Variants in P2RY8 observed in about 807,000 individuals in gnomAD.
P2RY8 encodes S-geranylgeranyl-glutathione receptor P2RY8.
In P2RY8, 6 loss-of-function variants were observed where a neutral mutation model predicts 10.0. The ratio of observed to expected loss-of-function variants is 0.60; its 90% confidence interval spans 0.33 to 1.19. P2RY8 has a LOEUF of 1.19. Among genes scored for constraint, P2RY8 ranks in the 50% most tolerant of loss-of-function variants. The pLI, the probability that P2RY8 is intolerant of heterozygous loss-of-function variation, is 0.04. For missense variants in P2RY8, 456 were observed against 542.0 expected (o/e 0.84, Z 1.58); for synonymous variants, 276 against 252.5 (o/e 1.09, Z -0.88).
At chrX:1,517,680 G>A (rs1425794463) in intron 1 of P2RY8, among the ~76,000 whole-genome samples, 2 of 152,152 alleles carry the variant, frequency 1.3e-5, no homozygotes, top group African/African-American at 4.8e-5. Context: ...GCCAGGTAAT[G>A]TTAACAGGAA....
At chrX:1,474,725 G>A (rs1299075336) in intron 1 of P2RY8, among the ~76,000 whole-genome samples, 1 of 144,846 alleles carries the variant, frequency 6.9e-6, no homozygotes, top group East Asian at 2.1e-4. Context: ...ATGAATGGAT[G>A]AGGATGGGTA....
chrX:1,527,924 A>C (rs2092449764), intron 1 of P2RY8, among the ~76,000 whole-genome samples: 1 of 152,198 alleles, frequency 6.6e-6, no homozygotes, highest in African/African-American at 2.4e-5. Flanking sequence ...CTACAAAGTC[A>C]CAGCCCCTAC....
intron 1 of P2RY8, among the ~76,000 whole-genome samples, chrX:1,507,863 G>A (rs776095514): frequency 5.9e-5 from 9 of 152,234 alleles, no homozygotes; most frequent in East Asian, 1.9e-4. Context: ...TCAGACCCAC[G>A]GCTGATAACA....
chrX:1,502,823 C>A (rs5948921), intron 1 of P2RY8, among the ~76,000 whole-genome samples: 114,608 of 138,368 alleles, frequency 0.83, 46,383 homozygotes, highest in Non-Finnish European at 0.89. Context: ...GGAGACAGAG[C>A]CTGGAATGAC....
intron 1 of P2RY8, among the ~76,000 whole-genome samples, chrX:1,474,556 GTGGA>G (rs768305692): frequency 0.42 from 35,793 of 85,174 alleles, 8,439 homozygotes; most frequent in South Asian, 0.48. Flanking sequence ...GTATGGGTGT[GTGGA>G]TGGATGGATG....
In P2RY8 at chrX:1,514,089, C is replaced by T. The variant is rs138222664; in HGVS notation, c.-25+22832G>A. The stretch of plus-strand genomic sequence containing the variant: ...ACACATAGCGTTAACAACTTGTGCC[C>T]GTTTTCCTTTAATTGTCCCACTTTT... On this transcript the variant is annotated intron_variant, in intron 1 of 1. Transcript: ENST00000381297. Among the ~76,000 whole-genome samples the T allele has an allele frequency of 9.4e-3, 1,436 of 152,236 alleles. 10 individuals are homozygous for T. The highest frequency in any genetic ancestry group is 0.016 in the Non-Finnish European group (1,054 of 67,998).
chrX:1,536,617 G>C (rs1232144059), intron 1 of P2RY8, among the ~76,000 whole-genome samples: 6 of 152,082 alleles, frequency 3.9e-5, no homozygotes, highest in African/African-American at 1.4e-4. Flanking sequence ...GGATGGTCTC[G>C]AACTCCTGAC....
intron 1 of P2RY8, among the ~76,000 whole-genome samples, chrX:1,484,618 C>T (rs1446689717): frequency 6.7e-6 from 1 of 148,950 alleles, no homozygotes; most frequent in East Asian, 2.0e-4. Flanking sequence ...ATTCCAGCTA[C>T]TCGGGAGGCT....
chrX:1,477,555 T>G (rs1430517024), intron 1 of P2RY8, among the ~76,000 whole-genome samples: 2 of 143,990 alleles, frequency 1.4e-5, no homozygotes, highest in Non-Finnish European at 3.1e-5. Context: ...CATCAATCTA[T>G]CAATTATTTA....
intron 1 of P2RY8, among the ~76,000 whole-genome samples, chrX:1,525,675 G>A (rs769002553): frequency 6.6e-6 from 1 of 151,436 alleles, no homozygotes; most frequent in Non-Finnish European, 1.5e-5. Context: ...ATTTATCCAT[G>A]TATGTATTCA....
At position 1,465,498 on chromosome X, in the gene P2RY8, C is replaced by T; in HGVS notation, c.1061G>A (p.Arg354Lys). The T allele has an allele frequency of 6.2e-7, 1 of 1,608,258 alleles. No homozygotes were observed. Among genetic ancestry groups the T allele is most frequent in the South Asian group, 1.1e-5 (1 of 90,860 alleles). Residue 354 changes from arginine to lysine, a missense_variant, in exon 2 of 2, where the codon AGG becomes AAG. Arg to Lys is a conservative substitution (Grantham distance 26, BLOSUM62 2). Coordinates refer to ENST00000381297, the MANE Select transcript of P2RY8 (RefSeq NM_178129.5). ...CGGGACTCAGAACACACTCTCCTGCCTCTGGAGGCCGGGCCTGGTGGCTCC... is the reference window on the plus strand; with the variant it reads ...CGGGACTCAGAACACACTCTCCTGCTTCTGGAGGCCGGGCCTGGTGGCTCC... Reference protein sequence around the residue: ...MEGATRPGLQRQESVF With the variant: ...MEGATRPGLQKQESVF
intron 1 of P2RY8, among the ~76,000 whole-genome samples, chrX:1,518,832 A>C (rs1345776160): frequency 6.6e-6 from 1 of 151,480 alleles, no homozygotes; most frequent in Non-Finnish European, 1.5e-5. Flanking sequence ...ATCCTGCCTA[A>C]CTCCCAAAGC....
intron 1 of P2RY8, among the ~76,000 whole-genome samples, chrX:1,477,894 TGTC>T (rs1439751967): frequency 6.6e-6 from 1 of 152,046 alleles, no homozygotes; most frequent in Non-Finnish European, 1.5e-5. Flanking sequence ...AAGAAGCTGG[TGTC>T]GTGGAAAGGG....
intron 1 of P2RY8, among the ~76,000 whole-genome samples, chrX:1,520,816 T>A (rs2092384873): frequency 1.3e-5 from 2 of 151,164 alleles, no homozygotes; most frequent in South Asian, 4.2e-4. Flanking sequence ...TTTCTCTGAT[T>A]TCTAATATTG....
intron 1 of P2RY8, among the ~76,000 whole-genome samples, chrX:1,516,338 A>G (rs1176047689): frequency 2.6e-5 from 4 of 151,988 alleles, no homozygotes; most frequent in East Asian, 1.9e-4. Context: ...CCCTGTGGGG[A>G]CACAGGGAGA....
At chrX:1,485,864 TTATA>T (rs1261186808) in intron 1 of P2RY8, among the ~76,000 whole-genome samples, 1 of 151,694 alleles carries the variant, frequency 6.6e-6, no homozygotes, top group African/African-American at 2.4e-5. Context: ...GTATATATAA[TTATA>T]TGTATAATAC....
intron 1 of P2RY8, among the ~76,000 whole-genome samples, chrX:1,516,083 C>T (rs760752178): frequency 6.6e-6 from 1 of 151,152 alleles, no homozygotes; most frequent in East Asian, 2.0e-4. Flanking sequence ...TGTAATCCCA[C>T]CTACTTGGGA....
At chrX:1,513,032 C>T (rs2092311033) in intron 1 of P2RY8, among the ~76,000 whole-genome samples, 1 of 150,502 alleles carries the variant, frequency 6.6e-6, no homozygotes, top group African/African-American at 2.5e-5. Context: ...CCCCCCCACC[C>T]CCCAACAGGC....
intron 1 of P2RY8, among the ~76,000 whole-genome samples, chrX:1,525,942 A>G (rs2092437060): frequency 6.6e-6 from 1 of 151,874 alleles, no homozygotes; most frequent in African/African-American, 2.4e-5. Flanking sequence ...TCAGTCATCC[A>G]TCCACTTATC....
Sources: gnomAD v4.1 joint callset for allele counts (sites outside exome capture counted in the v4.1 genomes callset) on GRCh38, gnomAD v4.1.1 for gene constraint, MANE v1.5 for transcripts, NCBI Gene and HGNC (gene_info 2026-07-23, HGNC 2026-07-21) for gene names.